Variants in FLNB observed in about 807,000 individuals in gnomAD.
FLNB encodes the protein filamin B.
In FLNB, 111 loss-of-function variants were observed where a neutral mutation model predicts 250.6. That is an observed-to-expected ratio of 0.44 (90% CI 0.38 to 0.52). The LOEUF is 0.52. FLNB is among the 20% of genes least tolerant of loss of function. The pLI, the probability that FLNB is intolerant of heterozygous loss-of-function variation, is 0.00. For missense variants in FLNB, 2,869 were observed against 3,447.8 expected (o/e 0.83, Z 4.20); for synonymous variants, 1,302 against 1,372.1 (o/e 0.95, Z 1.13).
At chr3:58,131,421 T>A (rs1223491989) in intron 25 of FLNB, among the ~76,000 whole-genome samples, 1 of 152,190 alleles carries the variant, frequency 6.6e-6, no homozygotes, top group African/African-American at 2.4e-5. Flanking sequence ...TTGGCCTGCC[T>A]TGTTGGCAGC....
At chr3:58,094,457 T>A (rs2097234282) in intron 4 of FLNB, among the ~76,000 whole-genome samples, 1 of 152,242 alleles carries the variant, frequency 6.6e-6, no homozygotes, top group Non-Finnish European at 1.5e-5. Flanking sequence ...AAAAAAATGA[T>A]TGAATATAAT....
intron 11 of FLNB, 94 bp downstream of exon 11, chr3:58,105,310 C>T: frequency 2.0e-6 from 3 of 1,529,844 alleles, no homozygotes; most frequent in Non-Finnish European, 2.7e-6. Context: ...CTTGCCTAGC[C>T]TCAATACCTT....
intron 1 of FLNB, among the ~76,000 whole-genome samples, chr3:58,044,568 C>G (rs770543899): frequency 3.9e-5 from 6 of 152,168 alleles, no homozygotes; most frequent in Non-Finnish European, 5.9e-5. Context: ...GAGGTTGCAG[C>G]AAGCTGTGAT....
At position 58,125,670 on chromosome 3, in the gene FLNB, A is replaced by G. The variant is rs377136340; in HGVS notation, c.3988A>G (p.Arg1330Gly). Residue 1330 changes from arginine (R) to glycine (G), a missense_variant, in exon 23 of 46, where the codon AGG becomes GGG. This residue lies in a region of FLNB where 1,348 missense variants were observed against 1,466.7 expected (regional missense o/e 0.92). Coordinates refer to ENST00000295956, the MANE Select transcript of FLNB (RefSeq NM_001457.4). ...VAVTEGCQPS[R>G]VQAQGPGLKE... ...TGTCACTGAAGGCTGCCAGCCATCTAGGGTGCAAGCCCAAGGACCTGGATT... is the reference window on the plus strand; with the variant it reads ...TGTCACTGAAGGCTGCCAGCCATCTGGGGTGCAAGCCCAAGGACCTGGATT... 6.2e-7 allele frequency: 1 copy of G among 1,614,176 alleles called. No individual in the cohort carries two copies. The highest frequency in any genetic ancestry group is 8.5e-7 in the Non-Finnish European group (1 of 1,180,020).
At chr3:58,082,210 A>G (rs966298031) in intron 4 of FLNB, among the ~76,000 whole-genome samples, 6 of 152,148 alleles carry the variant, frequency 3.9e-5, no homozygotes, top group Non-Finnish European at 7.3e-5. Flanking sequence ...CCCCTGGCAG[A>G]TACTTCCTTG....
At chr3:58,121,582 G>T in intron 20 of FLNB, 79 bp downstream of exon 20, 4 of 1,565,142 alleles carry the variant, frequency 2.6e-6, no homozygotes, top group Non-Finnish European at 3.5e-6. Flanking sequence ...GTTCTTCCTG[G>T]CAAAGACCTT....
chr3:58,155,182 T>C (rs946197588), intron 40 of FLNB, among the ~76,000 whole-genome samples: 1 of 152,236 alleles, frequency 6.6e-6, no homozygotes, highest in African/African-American at 2.4e-5. Context: ...CTCCATTCTT[T>C]CCACCAACCA....
Position 58,153,328 on chromosome 3 carries a change from C to T in FLNB, c.6368-47C>T, listed in dbSNP as rs758956764. 25 of 1,611,756 alleles carry T rather than the reference C, an allele frequency of 1.6e-5. No individual in the cohort carries two copies. The South Asian group carries it at 1.9e-4, about 12-fold the overall frequency. ...CTGCATGTCCTGCCCTGTCTCAGGCCCTTGCCCTAACCCTCTTCTCTCCCC... is the reference window on the plus strand; with the variant it reads ...CTGCATGTCCTGCCCTGTCTCAGGCTCTTGCCCTAACCCTCTTCTCTCCCC... On this transcript the variant is annotated intron_variant, in intron 38 of 45. Coordinates refer to ENST00000295956, the MANE Select transcript of FLNB (RefSeq NM_001457.4).
intron 38 of FLNB, chr3:58,152,810 C>T (rs1192954620): frequency 2.1e-5 from 26 of 1,236,588 alleles, no homozygotes; most frequent in Middle Eastern, 4.4e-4. Flanking sequence ...CGCATGCGGC[C>T]GCCTGGCCTC....
At chr3:58,132,500 A>G (rs922686157) in intron 25 of FLNB, 20 of 477,418 alleles carry the variant, frequency 4.2e-5, no homozygotes, top group African/African-American at 3.8e-4. Flanking sequence ...TGTGTCTTCA[A>G]CACACATCAT....
intron 1 of FLNB, among the ~76,000 whole-genome samples, chr3:58,074,606 A>G (rs550335596): frequency 1.8e-4 from 27 of 152,234 alleles, no homozygotes; most frequent in Non-Finnish European, 3.2e-4. Flanking sequence ...AAATTACAAG[A>G]AAACACGGTG....
At chr3:58,069,264 G>A (rs971669078) in intron 1 of FLNB, among the ~76,000 whole-genome samples, 1 of 136,072 alleles carries the variant, frequency 7.3e-6, no homozygotes, top group African/African-American at 2.9e-5. Context: ...TTCTGAGATG[G>A]AGTCTTGCTC....
chr3:58,167,759 G>A (rs140522067), intron 43 of FLNB, among the ~76,000 whole-genome samples: 1 of 152,246 alleles, frequency 6.6e-6, no homozygotes, highest in African/African-American at 2.4e-5. Flanking sequence ...TCCCTGAGCC[G>A]CAGAGTCATT....
chr3:58,082,264 G>A (rs1041880237), intron 4 of FLNB, among the ~76,000 whole-genome samples: 4 of 152,256 alleles, frequency 2.6e-5, no homozygotes, highest in Admixed American at 2.0e-4. Flanking sequence ...GCGGAACACC[G>A]TTTTGCTCAG....
intron 1 of FLNB, among the ~76,000 whole-genome samples, chr3:58,051,373 G>T (rs1287448030): frequency 6.6e-6 from 1 of 152,200 alleles, no homozygotes; most frequent in Non-Finnish European, 1.5e-5. Context: ...CAAGTGGCCC[G>T]CATGTCTGCA....
At chr3:58,013,715 G>A (rs545658319) in intron 1 of FLNB, among the ~76,000 whole-genome samples, 411 of 152,278 alleles carry the variant, frequency 2.7e-3, no homozygotes, top group African/African-American at 8.9e-3. Context: ...TCCCAGCTAC[G>A]TGGGAGGCTG....
intron 1 of FLNB, among the ~76,000 whole-genome samples, chr3:58,054,299 T>C (rs9311665): frequency 0.058 from 8,809 of 152,236 alleles, 819 homozygotes; most frequent in African/African-American, 0.2. Flanking sequence ...CCATACCAAG[T>C]ATATCCAGTG....
At position 58,008,459 on chromosome 3, in the gene FLNB, C is replaced by A; in HGVS notation, c.-106C>A. 1 of 1,378,000 alleles carries A rather than the reference C, an allele frequency of 7.3e-7. No homozygotes were observed. Among genetic ancestry groups the A allele is most frequent in the Non-Finnish European group, 1.0e-6 (1 of 995,168 alleles). 85.4% of individuals were successfully genotyped at this position (1,378,000 alleles called of 1,614,324 possible). ...GCCGTGGCTCCGGTAGCAGCAAGTT[C>A]GAACCCCGCTCCCGCTCCGCTTCGG... is the stretch of plus-strand genomic sequence containing the variant. On this transcript the variant is annotated 5_prime_UTR_variant, in exon 1 of 46. Transcript: ENST00000295956.
intron 22 of FLNB, among the ~76,000 whole-genome samples, chr3:58,124,893 G>C (rs1022588109): frequency 2.0e-5 from 3 of 152,146 alleles, no homozygotes; most frequent in Non-Finnish European, 2.9e-5. Flanking sequence ...CCTGGAGATC[G>C]GAAGCCTGCG....
Sources: gnomAD v4.1 joint callset for allele counts (sites outside exome capture counted in the v4.1 genomes callset) on GRCh38, gnomAD v4.1.1 for gene constraint, gnomAD v4.1.1 regional missense constraint, MANE v1.5 for transcripts, NCBI Gene and HGNC (gene_info 2026-07-23, HGNC 2026-07-21) for gene names.